Variants in CDK6 observed in about 807,000 individuals in gnomAD.
CDK6 encodes the protein cyclin-dependent kinase 6.
A neutral mutation model predicts 37.1 loss-of-function variants in CDK6; 6 were observed. The observed-to-expected ratio is 0.16, with a 90% CI of 0.09 to 0.32. The LOEUF (loss-of-function observed/expected upper bound fraction) is 0.32, where lower values mean the gene tolerates loss of function less well. CDK6 is among the 10% of genes least tolerant of loss of function. CDK6 has a pLI of 1.00. For missense variants in CDK6, 224 were observed against 418.9 expected (o/e 0.53, Z 4.06); for synonymous variants, 160 against 161.3 (o/e 0.99, Z 0.06).
intron 5 of CDK6, among the ~76,000 whole-genome samples, chr7:92,635,748 C>T (rs1796155523): frequency 6.6e-6 from 1 of 152,086 alleles, no homozygotes; most frequent in Admixed American, 6.5e-5. Context: ...CTATCTTTGG[C>T]CCAAATCTCT....
chr7:92,785,094 G>C (rs1425662520), intron 2 of CDK6, among the ~76,000 whole-genome samples: 1 of 152,128 alleles, frequency 6.6e-6, no homozygotes, highest in Non-Finnish European at 1.5e-5. Flanking sequence ...AATATTCACT[G>C]CGGCATCATT....
At chr7:92,814,710 C>T (rs561721232) in intron 2 of CDK6, among the ~76,000 whole-genome samples, 1 of 152,024 alleles carries the variant, frequency 6.6e-6, no homozygotes, top group Non-Finnish European at 1.5e-5. Flanking sequence ...AAAAGGGCGT[C>T]CCACATACAC....
intron 2 of CDK6, among the ~76,000 whole-genome samples, chr7:92,799,829 T>C (rs781452319): frequency 6.6e-6 from 1 of 152,206 alleles, no homozygotes; most frequent in Non-Finnish European, 1.5e-5. Context: ...CGGATTCCTA[T>C]CTGGATGGAG....
Position 92,678,085 on chromosome 7 carries a change from T to C in CDK6, c.538-6550A>G, listed in dbSNP as rs145339008. Among the ~76,000 whole-genome samples the C allele has an allele frequency of 6.1e-3, 929 of 152,292 alleles. 8 individuals carry two copies. The highest frequency in any genetic ancestry group is 0.021 in the African/African-American group (890 of 41,568). ...TAATATCAATAAAATTGTTTCAAGG[T>C]TTTAGCTCGTGAAAGTTCTCAACAA... On this transcript the variant is annotated intron_variant, in intron 4 of 7. Coordinates refer to ENST00000424848, the MANE Select transcript of CDK6 (RefSeq NM_001145306.2).
intron 4 of CDK6, among the ~76,000 whole-genome samples, chr7:92,686,117 A>G (rs996851253): frequency 2.0e-5 from 3 of 152,212 alleles, no homozygotes; most frequent in African/African-American, 7.2e-5. Flanking sequence ...CATGTATTAC[A>G]TATTTTAACT....
rs77545400 is a variant in CDK6 at position 92,705,230 on chromosome 7, G to A, written c.537+20396C>T. Reference sequence around the variant, plus strand: ...GTAAACTCTCTTGGTTTTTGCTTCTGTGAAAATTTCTTTACCTCATTAGTA... The same window carrying A: ...GTAAACTCTCTTGGTTTTTGCTTCTATGAAAATTTCTTTACCTCATTAGTA... On this transcript the variant is annotated intron_variant, in intron 4 of 7. Transcript: ENST00000424848. Among the ~76,000 whole-genome samples the A allele has an allele frequency of 8.0e-3, 1,213 of 152,214 alleles. 17 individuals carry two copies. The highest frequency in any genetic ancestry group is 0.028 in the African/African-American group (1,151 of 41,506).
chr7:92,668,439 C>T (rs922076011), intron 5 of CDK6, among the ~76,000 whole-genome samples: 11 of 152,006 alleles, frequency 7.2e-5, no homozygotes, highest in South Asian at 2.1e-4. Flanking sequence ...AAAAAACCTA[C>T]GTAAATAATA....
At chr7:92,760,824 A>AT (rs555925694) in intron 3 of CDK6, among the ~76,000 whole-genome samples, 329 of 152,206 alleles carry the variant, frequency 2.2e-3, no homozygotes, top group South Asian at 3.7e-3. Context: ...ACAATATGAG[A>AT]TTTTTTGAAA....
intron 3 of CDK6, among the ~76,000 whole-genome samples, chr7:92,756,599 A>AT (rs2115702581): frequency 6.6e-6 from 1 of 152,350 alleles, no homozygotes; most frequent in Non-Finnish European, 1.5e-5. Flanking sequence ...AAAAGAGAAG[A>AT]GACTGCAATA....
chr7:92,782,809 TTGTCCTAAGACATC>T (rs1377406123), intron 2 of CDK6, among the ~76,000 whole-genome samples: 2 of 152,214 alleles, frequency 1.3e-5, no homozygotes, highest in Middle Eastern at 3.2e-3. Context: ...CAACAAAAAA[TTGTCCTAAGACATC>T]TATAAATATT....
intron 5 of CDK6, among the ~76,000 whole-genome samples, chr7:92,630,694 C>T (rs1796032338): frequency 6.6e-6 from 1 of 152,166 alleles, no homozygotes; most frequent in South Asian, 2.1e-4. Context: ...CCGGGGAATA[C>T]TGTCTTCTGT....
chr7:92,812,141 AAAAACAAAAC>A (rs543908138), intron 2 of CDK6, among the ~76,000 whole-genome samples: 2 of 152,328 alleles, frequency 1.3e-5, no homozygotes, highest in South Asian at 2.1e-4. Context: ...TCCAACTCAA[AAAAACAAAAC>A]AAAACAAAAC....
At chr7:92,802,977 T>C (rs572817195) in intron 2 of CDK6, among the ~76,000 whole-genome samples, 4 of 152,334 alleles carry the variant, frequency 2.6e-5, no homozygotes, top group African/African-American at 4.8e-5. Flanking sequence ...ACTACTACTA[T>C]AGAGGGCCAA....
intron 4 of CDK6, among the ~76,000 whole-genome samples, chr7:92,677,696 T>C (rs1032217454): frequency 2.0e-5 from 3 of 152,226 alleles, no homozygotes; most frequent in African/African-American, 7.2e-5. Flanking sequence ...GTAATATTAT[T>C]CTATATATCA....
chr7:92,726,226 C>T (rs1798509218), intron 3 of CDK6, among the ~76,000 whole-genome samples: 1 of 151,964 alleles, frequency 6.6e-6, no homozygotes, highest in Non-Finnish European at 1.5e-5. Flanking sequence ...TTTTATAGCA[C>T]CTAGTACTAA....
At chr7:92,732,275 G>C (rs1350045684) in intron 3 of CDK6, among the ~76,000 whole-genome samples, 2 of 152,086 alleles carry the variant, frequency 1.3e-5, no homozygotes, top group Non-Finnish European at 2.9e-5. Context: ...AAATTAGTTG[G>C]GCATGGTGGC....
intron 5 of CDK6, among the ~76,000 whole-genome samples, chr7:92,641,617 C>T (rs1480076383): frequency 6.6e-6 from 1 of 152,142 alleles, no homozygotes; most frequent in African/African-American, 2.4e-5. Flanking sequence ...ATAATACATA[C>T]TATTTAAAAA....
intron 4 of CDK6, among the ~76,000 whole-genome samples, chr7:92,713,519 T>C (rs1798150019): frequency 6.6e-6 from 1 of 152,132 alleles, no homozygotes; most frequent in Non-Finnish European, 1.5e-5. Context: ...ATTGATAAAT[T>C]AGTCATTTAA....
chr7:92,770,187 G>A (rs1356488312), intron 3 of CDK6, among the ~76,000 whole-genome samples: 1 of 152,124 alleles, frequency 6.6e-6, no homozygotes, highest in Non-Finnish European at 1.5e-5. Context: ...TCACAGGACA[G>A]CAGCCAACAG....
Sources: allele counts gnomAD v4.1 joint callset (sites outside exome capture counted in the v4.1 genomes callset), GRCh38; gene constraint gnomAD v4.1.1; transcripts MANE v1.5; gene names NCBI Gene and HGNC (gene_info 2026-07-23, HGNC 2026-07-21).